The following MAP3K7CL variants were observed in gnomAD, a reference collection of about 807,000 sequenced individuals.
MAP3K7CL encodes the protein MAP3K7 C-terminal like, also known as MAP3K7 C-terminal-like protein.
MAP3K7CL carries 16 observed loss-of-function variants against 18.6 expected under a neutral mutation model. The ratio of observed to expected loss-of-function variants is 0.86; its 90% CI spans 0.58 to 1.31. MAP3K7CL has a LOEUF of 1.31. Ranked by LOEUF, MAP3K7CL falls within the 50% of genes most tolerant of loss-of-function variation. MAP3K7CL has a pLI of 0.00. For missense variants in MAP3K7CL, 163 were observed against 174.4 expected (o/e 0.93, Z 0.37); for synonymous variants, 65 against 66.8 (o/e 0.97, Z 0.13).
intron 1 of MAP3K7CL, chr21:29,131,639 G>A (rs2146622219): frequency 6.6e-6 from 1 of 152,246 alleles, no homozygotes; most frequent in Middle Eastern, 3.4e-3. Flanking sequence ...ACAGTGGAGA[G>A]CTTTTTGGTG....
intron 4 of MAP3K7CL, among the ~76,000 whole-genome samples, chr21:29,167,437 G>T (rs1413475250): frequency 6.6e-6 from 1 of 152,048 alleles, no homozygotes; most frequent in African/African-American, 2.4e-5. Context: ...GGGGCAAAAG[G>T]GTGCATATGT....
intron 4 of MAP3K7CL, among the ~76,000 whole-genome samples, chr21:29,110,920 T>G (rs1243713412): frequency 6.6e-6 from 1 of 152,180 alleles, no homozygotes; most frequent in East Asian, 1.9e-4. Context: ...CTCTCAGCAT[T>G]GTCTCTCATT....
chr21:29,167,068 G>A (rs1449462176), intron 4 of MAP3K7CL, among the ~76,000 whole-genome samples: 1 of 152,178 alleles, frequency 6.6e-6, no homozygotes, highest in African/African-American at 2.4e-5. Context: ...AACACTTCTT[G>A]TGCCTTTTAG....
chr21:29,117,144 T>A (rs554416982), intron 4 of MAP3K7CL, among the ~76,000 whole-genome samples: 1 of 152,180 alleles, frequency 6.6e-6, no homozygotes, highest in South Asian at 2.1e-4. Flanking sequence ...TTTAATTTAA[T>A]ATAATTAATA....
chr21:29,080,987 A>C (rs1025536691), upstream of MAP3K7CL, among the ~76,000 whole-genome samples: 10 of 152,142 alleles, frequency 6.6e-5, no homozygotes, highest in South Asian at 2.1e-4. Context: ...TGATTTAAAA[A>C]TATTTTACTT....
At chr21:29,085,470 C>T (rs535720054), upstream of MAP3K7CL, among the ~76,000 whole-genome samples, 1 of 150,236 alleles carries the variant, frequency 6.7e-6, no homozygotes, top group South Asian at 2.1e-4. Context: ...TGGAGTGAAC[C>T]CGGGAGGCGG....
At chr21:29,166,864 C>T (rs954378822) in intron 4 of MAP3K7CL, among the ~76,000 whole-genome samples, 2 of 152,194 alleles carry the variant, frequency 1.3e-5, no homozygotes, top group African/African-American at 4.8e-5. Context: ...CTGCTATAAA[C>T]ATTTGTGTAC....
chr21:29,099,655 T>A (rs756246206), intron 4 of MAP3K7CL, among the ~76,000 whole-genome samples: 98 of 152,264 alleles, frequency 6.4e-4, no homozygotes, highest in Non-Finnish European at 1.0e-3. Context: ...TTCCTTTTAT[T>A]ATCTTTATTG....
At chr21:29,115,427 A>G (rs1327903976) in intron 4 of MAP3K7CL, among the ~76,000 whole-genome samples, 1 of 152,112 alleles carries the variant, frequency 6.6e-6, no homozygotes, top group Non-Finnish European at 1.5e-5. Context: ...TTTTTAGTAG[A>G]GGGCCTTAGT....
chr21:29,091,608 T>G, intron 2 of MAP3K7CL: 1 of 700,738 alleles, frequency 1.4e-6, no homozygotes, highest in Non-Finnish European at 2.6e-6. Flanking sequence ...CTCAAGTAAC[T>G]GGGACCACAG....
upstream of MAP3K7CL, among the ~76,000 whole-genome samples, chr21:29,084,077 A>G (rs934114266): frequency 1.3e-5 from 2 of 148,262 alleles, no homozygotes; most frequent in South Asian, 2.1e-4. Context: ...TATAATATGT[A>G]TATATTTTTT....
chr21:29,170,843 T>TTA (rs2087809105), intron 4 of MAP3K7CL, among the ~76,000 whole-genome samples: 1 of 151,986 alleles, frequency 6.6e-6, no homozygotes, highest in African/African-American at 2.4e-5. Flanking sequence ...TTCACCATGT[T>TTA]GGCCAGGCTG....
intron 1 of MAP3K7CL, chr21:29,086,034 T>A: frequency 8.7e-7 from 1 of 1,153,850 alleles, no homozygotes; most frequent in Non-Finnish European, 1.3e-6. Flanking sequence ...ACCTTGGAAG[T>A]CTCAGCTAAC....
chr21:29,130,836 C>A lies in MAP3K7CL; in HGVS notation c.-127C>A, dbSNP rs2146619573. On this transcript the variant is annotated 5_prime_UTR_variant, in exon 1 of 5. The change creates a premature stop within an existing upstream ORF in the 5' untranslated region. Coordinates refer to ENST00000399928, the MANE Select transcript of MAP3K7CL (RefSeq NM_001286620.2). ...ATGCAGCAGGTGCAGCCTGGTCTCTCACTGAGTCTCTACTCCACAAAGGCA... is the reference window on the plus strand; with the variant it reads ...ATGCAGCAGGTGCAGCCTGGTCTCTAACTGAGTCTCTACTCCACAAAGGCA... 1 of 985,560 alleles carries A rather than the reference C, an allele frequency of 1.0e-6. No individual in the cohort carries two copies. The highest frequency in any genetic ancestry group is 1.1e-4 in the East Asian group (1 of 8,824). 61.1% of individuals were successfully genotyped at this position (985,560 alleles called of 1,614,324 possible). A position where few individuals can be genotyped will look rare whatever the true frequency, so the allele number is the denominator to read the frequency against.
Position 29,090,388 on chromosome 21 carries a change from G to GT in MAP3K7CL, c.58-1103dup, listed in dbSNP as rs1029813984. 2.7e-3 allele frequency among the ~76,000 whole-genome samples: 405 copies of GT among 148,748 alleles called. 1 individual carries two copies. The highest frequency in any genetic ancestry group is 8.9e-3 in the African/African-American group (362 of 40,674). On this transcript the variant is annotated intron_variant, in intron 1 of 6. Coordinates refer to the MAP3K7CL transcript ENST00000286791. ...ATTAGCTTCTTTGTTTTGTTTTGTT[G>GT]TTTTTTTTTTGAGACAGAGGCTCAC...
chr21:29,103,790 CAGGG>C (rs1221484341), intron 4 of MAP3K7CL, among the ~76,000 whole-genome samples: 3 of 151,118 alleles, frequency 2.0e-5, no homozygotes, highest in Non-Finnish European at 2.9e-5. Flanking sequence ...CCCAGCTACT[CAGGG>C]AGGCTGAGTT....
chr21:29,109,271 G>A, intron 4 of MAP3K7CL: 1 of 1,526,918 alleles, frequency 6.5e-7, no homozygotes, highest in Non-Finnish European at 8.8e-7. Context: ...GATAGTGCAT[G>A]TGTGTGTAAT....
rs543737329 is a variant in MAP3K7CL at position 29,108,760 on chromosome 21, G to A, written c.370+16179G>A. On this transcript the variant is annotated intron_variant, in intron 4 of 6. Coordinates refer to the MAP3K7CL transcript ENST00000286791. The stretch of plus-strand genomic sequence containing the variant: ...GGAGTTCCAATGAGATGAAGTATGA[G>A]AAGATGTTTTGCAAACTGTAAAGGA... Among the ~76,000 whole-genome samples, 60 of 152,280 alleles carry A rather than the reference G, an allele frequency of 3.9e-4. 1 individual carries two copies. In the South Asian group the frequency reaches 0.011, roughly 28 times the overall value.
intron 1 of MAP3K7CL, among the ~76,000 whole-genome samples, chr21:29,132,508 C>CTTTA (rs1319344039): frequency 2.6e-5 from 4 of 151,668 alleles, no homozygotes; most frequent in Non-Finnish European, 5.9e-5. Context: ...TTTTGGTATT[C>CTTTA]TTTATTTATT....
Sources: allele counts gnomAD v4.1 joint callset (sites outside exome capture counted in the v4.1 genomes callset), GRCh38; gene constraint gnomAD v4.1.1; transcripts MANE v1.5; gene names NCBI Gene and HGNC (gene_info 2026-07-23, HGNC 2026-07-21).